The following WDR25 variants were observed in gnomAD, a reference collection of about 807,000 sequenced individuals.
WDR25 encodes the protein WD repeat domain 25, also known as WD repeat-containing protein 25.
A neutral mutation model predicts 47.7 loss-of-function variants in WDR25; 35 were observed. That is an observed-to-expected ratio of 0.73 (90% CI 0.56 to 0.97). WDR25 has a LOEUF of 0.97. Ranked by LOEUF, WDR25 falls within the 50% of genes least tolerant of loss-of-function variation. The probability of loss-of-function intolerance (pLI) is 0.00; values close to 1 mark genes in which losing one functional copy is unlikely to be tolerated. For synonymous variants in WDR25, 248 were observed against 278.9 expected, an observed-to-expected ratio of 0.89 and a Z score of 1.10; for missense variants, 634 against 704.7, an observed-to-expected ratio of 0.90 and a Z score of 1.14.
At chr14:100,464,931 T>C (rs1347160366) in intron 2 of WDR25, among the ~76,000 whole-genome samples, 1 of 135,930 alleles carries the variant, frequency 7.4e-6, no homozygotes, top group African/African-American at 2.8e-5. Context: ...CTCTACCCCA[T>C]CTCAAGTCCC....
At chr14:100,382,512 T>C (rs1595485400) in intron 2 of WDR25, among the ~76,000 whole-genome samples, 1 of 152,140 alleles carries the variant, frequency 6.6e-6, no homozygotes, top group East Asian at 1.9e-4. Flanking sequence ...GGACTTCTGG[T>C]TTTACATGGA....
intron 5 of WDR25, among the ~76,000 whole-genome samples, chr14:100,528,160 T>C (rs2030276213): frequency 6.6e-6 from 1 of 152,106 alleles, no homozygotes; most frequent in Admixed American, 6.5e-5. Flanking sequence ...TTACACAAAC[T>C]TGGTGGCTGG....
chr14:100,380,339 C>T (rs1427954663), intron 1 of WDR25, among the ~76,000 whole-genome samples: 2 of 152,154 alleles, frequency 1.3e-5, no homozygotes, highest in East Asian at 3.9e-4. Context: ...TGAACCACTG[C>T]ACCCAGACTT....
rs79592838 is a variant in WDR25 at position 100,435,925 on chromosome 14, G to A, written c.823-32096G>A. Among the ~76,000 whole-genome samples the A allele has an allele frequency of 3.5e-4, 54 of 152,304 alleles. 1 individual carries two copies. The East Asian group carries it at 8.7e-3, about 25-fold the overall frequency. On this transcript the variant is annotated intron_variant, in intron 2 of 6. Transcript: ENST00000402312. ...TGTGTATGAGAGTCCTCTGGTGTGA[G>A]GCTTGGAGAGGAGGGAGTGTAGCTG...
chr14:100,463,161 C>T (rs541210451), intron 2 of WDR25, among the ~76,000 whole-genome samples: 2 of 148,316 alleles, frequency 1.3e-5, no homozygotes, highest in African/African-American at 5.0e-5. Context: ...CCAATTCCTC[C>T]ATCACTCCTT....
At chr14:100,431,195 G>A (rs1271307319) in intron 2 of WDR25, among the ~76,000 whole-genome samples, 2 of 152,214 alleles carry the variant, frequency 1.3e-5, no homozygotes, top group Middle Eastern at 3.4e-3. Context: ...CTGTATCCTT[G>A]GAGCTTCAGT....
chr14:100,379,281 A>T (rs1896810570), intron 1 of WDR25, among the ~76,000 whole-genome samples: 5 of 152,104 alleles, frequency 3.3e-5, no homozygotes, highest in Admixed American at 6.6e-5. Flanking sequence ...GGTGAAAATG[A>T]TGTGTTTAAA....
intron 2 of WDR25, among the ~76,000 whole-genome samples, chr14:100,414,701 C>T (rs969836782): frequency 2.6e-5 from 4 of 152,014 alleles, no homozygotes; most frequent in Non-Finnish European, 5.9e-5. Flanking sequence ...GAACTGCAGG[C>T]TCATATGGTA....
intron 4 of WDR25, among the ~76,000 whole-genome samples, chr14:100,519,871 AC>A (rs1471398772): frequency 7.1e-6 from 1 of 140,946 alleles, no homozygotes; most frequent in Non-Finnish European, 1.5e-5. Context: ...TACTATATAT[AC>A]ACTATATGTA....
At chr14:100,410,569 T>G (rs1045914025) in intron 2 of WDR25, among the ~76,000 whole-genome samples, 1 of 151,956 alleles carries the variant, frequency 6.6e-6, no homozygotes, top group East Asian at 1.9e-4. Flanking sequence ...CAAGCTGAGG[T>G]TGGAAGCCTG....
intron 2 of WDR25, chr14:100,455,604 G>C (rs1018819221): frequency 1.3e-5 from 2 of 151,982 alleles, no homozygotes; most frequent in Non-Finnish European, 2.9e-5. Flanking sequence ...ACCACACCTA[G>C]GCATATGGTA....
intron 4 of WDR25, among the ~76,000 whole-genome samples, chr14:100,504,293 C>T (rs542229452): frequency 6.6e-6 from 1 of 152,198 alleles, no homozygotes; most frequent in South Asian, 2.1e-4. Flanking sequence ...GTGCCTTGTT[C>T]AAATCAGGAC....
At chr14:100,413,870 G>A (rs1232692024) in intron 2 of WDR25, among the ~76,000 whole-genome samples, 4 of 152,114 alleles carry the variant, frequency 2.6e-5, no homozygotes, top group Admixed American at 1.3e-4. Context: ...ATTCATCCAC[G>A]TTCAGCCATT....
chr14:100,408,792 G>C (rs932615928), intron 2 of WDR25, among the ~76,000 whole-genome samples: 1 of 152,004 alleles, frequency 6.6e-6, no homozygotes, highest in Non-Finnish European at 1.5e-5. Context: ...TGGGTGTTTT[G>C]TTTTTGAAAA....
In WDR25 at chr14:100,500,238, C is replaced by A. The variant is rs1477019695; in HGVS notation, c.1101+16114C>A. On this transcript the variant is annotated intron_variant, in intron 4 of 6. Coordinates refer to ENST00000402312, the MANE Select transcript of WDR25 (RefSeq NM_001161476.3). This position sits in a 1 kb window ranked among gnomAD's most constrained non-coding sequence, Gnocchi z 4.7. ...CTGGAGGGGCCCGAGAGTGGGGTGG[C>A]TTGCTCACTCTTACTTCTCTCCTGC... 6.6e-6 allele frequency among the ~76,000 whole-genome samples: 1 copy of A among 152,032 alleles called. No homozygotes were observed. Among genetic ancestry groups the A allele is most frequent in the East Asian group, 1.9e-4 (1 of 5,168 alleles).
intron 5 of WDR25, 52 bp downstream of exon 5, chr14:100,526,092 A>G (rs2030120414): frequency 6.3e-7 from 1 of 1,595,964 alleles, no homozygotes; most frequent in Non-Finnish European, 8.5e-7. Flanking sequence ...GAGCGTATCC[A>G]TGTAGTTCTG....
At chr14:100,453,325 T>C (rs1299291883) in intron 2 of WDR25, among the ~76,000 whole-genome samples, 1 of 152,206 alleles carries the variant, frequency 6.6e-6, no homozygotes, top group Non-Finnish European at 1.5e-5. Flanking sequence ...TCCAGGTGCC[T>C]GCCCCACCTC....
intron 3 of WDR25, chr14:100,481,370 T>C: frequency 1.1e-6 from 1 of 921,920 alleles, no homozygotes; most frequent in Admixed American, 2.3e-5. Flanking sequence ...ATGCAAGTTT[T>C]TTAGTAGCTC....
chr14:100,395,035 T>C (rs1285353628), intron 2 of WDR25, among the ~76,000 whole-genome samples: 1 of 152,062 alleles, frequency 6.6e-6, no homozygotes, highest in Non-Finnish European at 1.5e-5. Flanking sequence ...CCCTGTACTG[T>C]GCATGCTGTG....
Sources: gnomAD v4.1 joint callset for allele counts (sites outside exome capture counted in the v4.1 genomes callset) on GRCh38, gnomAD v4.1.1 for gene constraint, Gnocchi (gnomAD v3.1) non-coding constraint, MANE v1.5 for transcripts, NCBI Gene and HGNC (gene_info 2026-07-23, HGNC 2026-07-21) for gene names.